The following HDAC4 variants were observed in gnomAD, a reference collection of about 807,000 sequenced individuals.
The protein encoded by HDAC4 is histone deacetylase A.
A neutral mutation model predicts 135.1 loss-of-function variants in HDAC4; 16 were observed. That is an observed-to-expected ratio of 0.12 (90% CI 0.08 to 0.18). The LOEUF (loss-of-function observed/expected upper bound fraction) is 0.18. HDAC4 is among the 10% of genes least tolerant of loss of function. HDAC4 has a pLI of 1.00. For missense variants in HDAC4, 1,143 were observed against 1,511.8 expected, an observed-to-expected ratio of 0.76 and a Z score of 4.05; for synonymous variants, 685 against 653.4, an observed-to-expected ratio of 1.05 and a Z score of -0.74.
chr2:239,290,425 G>A (rs528738482), intron 2 of HDAC4, among the ~76,000 whole-genome samples: 1 of 152,314 alleles, frequency 6.6e-6, no homozygotes, highest in African/African-American at 2.4e-5. Flanking sequence ...TGTGGCTGAA[G>A]GACACCTTCT....
chr2:239,342,332 A>C (rs1559373487), intron 2 of HDAC4, among the ~76,000 whole-genome samples: 1 of 152,186 alleles, frequency 6.6e-6, no homozygotes, highest in Non-Finnish European at 1.5e-5. Flanking sequence ...ATACAAACTC[A>C]AAGAGCTAAT....
At chr2:239,176,867 G>C (rs756007945) in intron 4 of HDAC4, among the ~76,000 whole-genome samples, 2 of 152,188 alleles carry the variant, frequency 1.3e-5, no homozygotes, top group African/African-American at 4.8e-5. Flanking sequence ...TTTTGAGAAC[G>C]ACACAAAGAC....
chr2:239,120,948 C>T (rs1415431752), intron 12 of HDAC4, among the ~76,000 whole-genome samples: 3 of 151,378 alleles, frequency 2.0e-5, no homozygotes, highest in Non-Finnish European at 4.4e-5. Flanking sequence ...AGGGAGGACT[C>T]GGTGGACACA....
intron 12 of HDAC4, among the ~76,000 whole-genome samples, chr2:239,125,520 A>T (rs6543513): frequency 6.6e-6 from 1 of 151,924 alleles, no homozygotes; most frequent in African/African-American, 2.4e-5. Context: ...AATGGCCTGA[A>T]ACAGGGACTC....
Position 239,111,659 on chromosome 2 carries a change from C to G in HDAC4, c.1845G>C (p.Ala615=), listed in dbSNP as rs375397467. ...QRIHQLRNYQ[A]SMEAAGIPVS... ...CGGGGATGCCGGCGGCCTCCATGGA[C>G]GCCTGGTAGTTCCTCAGCTGGTGGA... The change falls in exon 14 of 27, where the codon GCG becomes GCC. Residue 615 remains alanine (A), a synonymous_variant. Coordinates refer to ENST00000543185, the MANE Select transcript of HDAC4 (RefSeq NM_001378414.1). The G allele has an allele frequency of 6.2e-7, 1 of 1,605,834 alleles. No homozygotes were observed. Among genetic ancestry groups the G allele is most frequent in the South Asian group, 1.1e-5 (1 of 89,694 alleles).
chr2:239,148,557 C>T (rs188293311), intron 7 of HDAC4, among the ~76,000 whole-genome samples: 22 of 152,296 alleles, frequency 1.4e-4, no homozygotes, highest in African/African-American at 4.6e-4. Flanking sequence ...ACAGCCACAT[C>T]GAGGGCAAGA....
At chr2:239,169,230 C>T (rs1390950432) in intron 5 of HDAC4, among the ~76,000 whole-genome samples, 1 of 152,196 alleles carries the variant, frequency 6.6e-6, no homozygotes, top group East Asian at 1.9e-4. Context: ...TTTCCCTACT[C>T]CAAAGAAAAA....
chr2:239,221,609 G>GACAC (rs3838519), intron 3 of HDAC4, among the ~76,000 whole-genome samples: 2,099 of 149,050 alleles, frequency 0.014, 18 homozygotes, highest in African/African-American at 0.018. Flanking sequence ...CTGAGAGTGG[G>GACAC]ACACACACAC....
rs112046685 is a variant in HDAC4 at position 239,111,728 on chromosome 2, G to A, written c.1792-16C>T. The A allele has an allele frequency of 6.2e-5, 98 of 1,579,210 alleles. No individual in the cohort carries two copies. In the African/African-American group the frequency reaches 7.2e-4, roughly 12 times the overall value. The stretch of plus-strand genomic sequence containing the variant: ...GGAGGGCTTGCTGCGGGGAAGAAAC[G>A]GCCGTGTTGGCGGTTGCGGATGTCT... On this transcript the variant is annotated splice_polypyrimidine_tract_variant and intron_variant, in intron 13 of 26. Transcript: ENST00000543185.
Position 239,156,737 on chromosome 2 carries a change from T to C in HDAC4, c.648A>G (p.Pro216=). ...TQHSSLDQSS[P]PQSGVSTSYN... is the part of the protein sequence containing the mutation. ...AGGAGGTCGACACTCCGCTCTGGGG[T>C]GGAGAACTCTGGTCAAGGGAACTGT... Residue 216 remains proline, a synonymous_variant, in exon 7 of 27, where the codon CCA becomes CCG. Transcript: ENST00000543185. 1 of 1,613,990 alleles carries C rather than the reference T, an allele frequency of 6.2e-7. No homozygotes were observed. Among genetic ancestry groups the C allele is most frequent in the Non-Finnish European group, 8.5e-7 (1 of 1,179,988 alleles).
intron 13 of HDAC4, among the ~76,000 whole-genome samples, chr2:239,113,354 C>T (rs969333679): frequency 2.3e-4 from 35 of 152,214 alleles, no homozygotes; most frequent in African/African-American, 8.2e-4. Context: ...GGAGCCAGCA[C>T]CCACAGGCCC....
chr2:239,180,763 C>T (rs753165847), intron 4 of HDAC4, among the ~76,000 whole-genome samples: 7 of 152,212 alleles, frequency 4.6e-5, no homozygotes, highest in Non-Finnish European at 8.8e-5. Context: ...GGCCGCTGCC[C>T]CCCATGGCCC....
At position 239,262,754 on chromosome 2, in the gene HDAC4, G is replaced by A. The variant is rs376225199; in HGVS notation, c.23-26090C>T. 6.6e-6 allele frequency among the ~76,000 whole-genome samples: 1 copy of A among 152,214 alleles called. No individual in the cohort carries two copies. The highest frequency in any genetic ancestry group is 2.1e-4 in the South Asian group (1 of 4,836). The stretch of plus-strand genomic sequence containing the variant: ...ACAGGGCATTCTGTGGGCCACGCTC[G>A]CAGCCCAAGAACACAGACGAGGAGG... On this transcript the variant is annotated intron_variant, in intron 2 of 26. Coordinates refer to ENST00000543185, the MANE Select transcript of HDAC4 (RefSeq NM_001378414.1). This position sits in a 1 kb window ranked among gnomAD's most constrained non-coding sequence, Gnocchi z 4.1.
At chr2:239,191,187 G>A (rs1035400269) in intron 3 of HDAC4, 39 of 350,524 alleles carry the variant, frequency 1.1e-4, no homozygotes, top group South Asian at 5.4e-4. Context: ...CCCTCTAGGA[G>A]GGTCTCAAGC....
chr2:239,344,261 C>A (rs1028874997), intron 2 of HDAC4, among the ~76,000 whole-genome samples: 1 of 152,110 alleles, frequency 6.6e-6, no homozygotes, highest in Admixed American at 6.5e-5. Flanking sequence ...TCTCACACCG[C>A]GTTTTCTATG....
intron 2 of HDAC4, among the ~76,000 whole-genome samples, chr2:239,277,971 G>C (rs913737229): frequency 1.5e-5 from 1 of 65,440 alleles, no homozygotes; most frequent in South Asian, 6.5e-4. Flanking sequence ...CGTCTCTCCT[G>C]AGCAGGCCAG....
intron 24 of HDAC4, among the ~76,000 whole-genome samples, chr2:239,060,117 G>A (rs1338361183): frequency 6.6e-6 from 1 of 152,204 alleles, no homozygotes; most frequent in Admixed American, 6.5e-5. Context: ...GTGTCACATG[G>A]CACTCGGGGT....
chr2:239,346,515 C>A (rs116470355), intron 2 of HDAC4, among the ~76,000 whole-genome samples: 15,668 of 150,608 alleles, frequency 0.1, 1,539 homozygotes, highest in East Asian at 0.43. Context: ...GACACACACA[C>A]CCTAACACAT....
rs1275049171 is a variant in HDAC4 at position 239,167,873 on chromosome 2, G to A, written c.491-3950C>T. The stretch of plus-strand genomic sequence containing the variant: ...GAGGCCAAGTTCTTCCCATACCAGG[G>A]GGCAGAGAGTGCACCCGAGACCTAA... On this transcript the variant is annotated intron_variant, in intron 5 of 26. Transcript: ENST00000543185. The surrounding 1 kb of genome is among the most constrained non-coding windows in gnomAD (Gnocchi z 4.1). Among the ~76,000 whole-genome samples the A allele has an allele frequency of 6.6e-6, 1 of 151,914 alleles. No individual in the cohort carries two copies. Among genetic ancestry groups the A allele is most frequent in the East Asian group, 1.9e-4 (1 of 5,168 alleles).
Sources: allele counts gnomAD v4.1 joint callset (sites outside exome capture counted in the v4.1 genomes callset), GRCh38; gene constraint gnomAD v4.1.1; non-coding constraint Gnocchi (gnomAD v3.1); transcripts MANE v1.5; gene names NCBI Gene and HGNC (gene_info 2026-07-23, HGNC 2026-07-21).